The following NHS variants were observed in gnomAD, a reference collection of about 807,000 sequenced individuals.
NHS encodes NHS actin remodeling regulator.
NHS carries 5 observed loss-of-function variants against 72.5 expected under a neutral mutation model. The observed-to-expected ratio is 0.07, with a 90% CI of 0.04 to 0.14. The LOEUF (loss-of-function observed/expected upper bound fraction) is 0.14. NHS is among the 10% of genes least tolerant of loss of function. NHS has a pLI of 1.00. For missense variants in NHS, 1,072 were observed against 1,355.7 expected (o/e 0.79, Z 3.29); for synonymous variants, 464 against 547.7 (o/e 0.85, Z 2.13).
At chrX:17,670,449 A>G (rs948145212) in intron 1 of NHS, among the ~76,000 whole-genome samples, 1 of 112,269 alleles carries the variant, frequency 8.9e-6, no homozygotes, top group African/African-American at 3.2e-5. Flanking sequence ...CCTCATAACC[A>G]CCCACTAACA....
chrX:17,622,643 T>TG (rs2065779377), intron 1 of NHS, among the ~76,000 whole-genome samples: 1 of 112,151 alleles, frequency 8.9e-6, no homozygotes, highest in Non-Finnish European at 1.9e-5. Context: ...TCCGGGCTGT[T>TG]GGGGTACACC....
Position 17,728,145 on chromosome X carries a change from A to C in NHS, c.4039A>C (p.Ser1347Arg), listed in dbSNP as rs1411110601. The change falls in exon 7 of 9, where the codon AGC becomes CGC. Residue 1347 changes from serine to arginine, a missense_variant. Physicochemically the swap from Ser to Arg is moderately radical, Grantham distance 110 (BLOSUM62 -1). Transcript: ENST00000676302. ...SNQFKHQFVMSRHHDKVPGTI... is the reference protein window; with the variant it reads ...SNQFKHQFVMRRHHDKVPGTI... ...TCAATTTAAGCATCAATTTGTTATG[A>C]GCCGCCACCATGACAAAGTGCCTGG... 8.3e-7 allele frequency: 1 copy of C among 1,210,112 alleles called. No individual in the cohort carries two copies. The highest frequency in any genetic ancestry group is 1.1e-6 in the Non-Finnish European group (1 of 895,289).
At chrX:17,410,440 C>T (rs1459386324) in intron 1 of NHS, among the ~76,000 whole-genome samples, 3 of 109,186 alleles carry the variant, frequency 2.7e-5, no homozygotes, top group African/African-American at 6.7e-5. Context: ...ATTATCTGCC[C>T]AGATAAAGGT....
chrX:17,602,563 A>T (rs1202785307), intron 1 of NHS, among the ~76,000 whole-genome samples: 1 of 111,559 alleles, frequency 9.0e-6, no homozygotes, highest in African/African-American at 3.3e-5. Flanking sequence ...TATTTGCTGC[A>T]AATGGAGAGG....
intron 1 of NHS, among the ~76,000 whole-genome samples, chrX:17,437,876 A>G (rs902524476): frequency 8.9e-6 from 1 of 111,790 alleles, no homozygotes; most frequent in African/African-American, 3.3e-5. Flanking sequence ...TCAGTTGTGT[A>G]TGCTAATTTT....
chrX:17,443,394 C>T (rs1301362243), intron 1 of NHS, among the ~76,000 whole-genome samples: 1 of 111,806 alleles, frequency 8.9e-6, no homozygotes, highest in African/African-American at 3.3e-5. Context: ...CTGGTGCTTT[C>T]CAGAGCCCTG....
rs1440155481 is a variant in NHS, at chrX:17,733,700, T to C, written c.*1236T>C. 1.8e-5 allele frequency: 2 copies of C among 112,125 alleles called. No individual in the cohort carries two copies. The highest frequency in any genetic ancestry group is 1.9e-5 in the Non-Finnish European group (1 of 53,180). 9.2% of individuals were successfully genotyped at this position (112,125 alleles called of 1,213,427 possible). ...CACTGTGAACAATGTAGTTGGAAAATAGGTATGTGTATATGCATTATTTAT... is the reference window on the plus strand; with the variant it reads ...CACTGTGAACAATGTAGTTGGAAAACAGGTATGTGTATATGCATTATTTAT... On this transcript the variant is annotated 3_prime_UTR_variant, in exon 9 of 9. Coordinates refer to ENST00000676302, the MANE Select transcript of NHS (RefSeq NM_001291867.2).
chrX:17,684,958 G>C (rs2066153280), intron 1 of NHS, among the ~76,000 whole-genome samples: 1 of 112,219 alleles, frequency 8.9e-6, no homozygotes, highest in African/African-American at 3.2e-5. Flanking sequence ...GCATAACTTA[G>C]CCATGGTGAG....
At chrX:17,388,660 G>T (rs762853751) in intron 1 of NHS, among the ~76,000 whole-genome samples, 1 of 109,666 alleles carries the variant, frequency 9.1e-6, no homozygotes, top group East Asian at 2.8e-4. Flanking sequence ...GATCACCTAG[G>T]GTCTAGTAGG....
intron 1 of NHS, among the ~76,000 whole-genome samples, chrX:17,433,845 A>G (rs925011694): frequency 2.7e-5 from 3 of 112,209 alleles, no homozygotes; most frequent in Non-Finnish European, 3.8e-5. Context: ...AAATTGGTGC[A>G]GTTTTAAAAA....
chrX:17,669,814 AC>A (rs904831280), intron 1 of NHS, among the ~76,000 whole-genome samples: 11 of 111,790 alleles, frequency 9.8e-5, no homozygotes, highest in African/African-American at 2.9e-4. Flanking sequence ...GCTTTTGGGG[AC>A]CTATTCAAGT....
At chrX:17,430,491 A>ATATT (rs1472368698) in intron 1 of NHS, among the ~76,000 whole-genome samples, 2 of 96,953 alleles carry the variant, frequency 2.1e-5, no homozygotes, top group Non-Finnish European at 4.1e-5. Context: ...ATAGCGTAAA[A>ATATT]TGTTTATTTT....
intron 1 of NHS, among the ~76,000 whole-genome samples, chrX:17,437,554 G>A (rs776116134): frequency 8.7e-4 from 97 of 111,263 alleles, no homozygotes; most frequent in Non-Finnish European, 1.4e-3. Context: ...TGAGATCCCT[G>A]GGCCTCTTCC....
chrX:17,541,719 A>G, intron 1 of NHS, among the ~76,000 whole-genome samples: 1 of 104,190 alleles, frequency 9.6e-6, no homozygotes, highest in Non-Finnish European at 1.9e-5. Context: ...GGACTATTGG[A>G]CCTGCATTGA....
chrX:17,448,169 A>G lies in NHS; in HGVS notation c.565+71847A>G, dbSNP rs1443328509. Among the ~76,000 whole-genome samples, 6 of 112,186 alleles carry G rather than the reference A, an allele frequency of 5.3e-5. No homozygotes were observed. The East Asian group carries it at 1.7e-3, about 31-fold the overall frequency. On this transcript the variant is annotated intron_variant, in intron 1 of 8. Transcript: ENST00000676302. ...TTGTAATTATACTAGAAGATGTTTT[A>G]GTGGGAAAGTTCCTTACTTATGATC...
intron 1 of NHS, among the ~76,000 whole-genome samples, chrX:17,616,143 G>T (rs149141462): frequency 8.9e-6 from 1 of 112,183 alleles, no homozygotes; most frequent in South Asian, 3.8e-4. Context: ...AGCATTTGCT[G>T]CTGTAAGGAT....
intron 1 of NHS, among the ~76,000 whole-genome samples, chrX:17,391,831 G>A (rs189755940): frequency 4.7e-4 from 53 of 111,948 alleles, no homozygotes; most frequent in South Asian, 1.1e-3. Flanking sequence ...GCACCCATGC[G>A]TTTGCTTTGT....
At chrX:17,528,492 A>G (rs902213975) in intron 1 of NHS, 1 of 112,234 alleles carries the variant, frequency 8.9e-6, no homozygotes, top group African/African-American at 3.2e-5. Context: ...TTACATGTGA[A>G]TAACTGGGTC....
At chrX:17,485,581 A>C (rs2064964252) in intron 1 of NHS, among the ~76,000 whole-genome samples, 1 of 110,440 alleles carries the variant, frequency 9.1e-6, no homozygotes, top group Non-Finnish European at 1.9e-5. Context: ...GGATGATAAA[A>C]TAGCAGCCCA....
Sources: gnomAD v4.1 joint callset for allele counts (sites outside exome capture counted in the v4.1 genomes callset) on GRCh38, gnomAD v4.1.1 for gene constraint, MANE v1.5 for transcripts, NCBI Gene and HGNC (gene_info 2026-07-23, HGNC 2026-07-21) for gene names.